Variants in HELLS observed in about 807,000 individuals in gnomAD.
The protein encoded by HELLS is lymphoid-specific helicase.
Under a neutral mutation model 120.0 loss-of-function variants are expected in HELLS, and 32 were observed. That is an observed-to-expected ratio of 0.27 (90% CI 0.20 to 0.36). The LOEUF is 0.36. Ranked by LOEUF, HELLS falls within the 10% of genes least tolerant of loss-of-function variation. The pLI is 1.00. For synonymous variants in HELLS, 341 were observed against 323.4 expected, an observed-to-expected ratio of 1.05 and a Z score of -0.58; for missense variants, 650 against 993.4, an observed-to-expected ratio of 0.65 and a Z score of 4.65.
Position 94,581,595 on chromosome 10 carries a change from T to C in HELLS, c.1229+73T>C, listed in dbSNP as rs1844871962. The C allele has an allele frequency of 2.7e-6, 3 of 1,101,894 alleles. No individual in the cohort carries two copies. In the East Asian group the frequency reaches 7.5e-5, roughly 27 times the overall value. 68.3% of individuals were successfully genotyped at this position (1,101,894 alleles called of 1,614,324 possible). A position where few individuals can be genotyped will look rare whatever the true frequency, so the allele number is the denominator to read the frequency against. ...TTAGTTAAAATTACTTTCTTTTCAG[T>C]GACTGAATTAAAATGCCAAATATTT... On this transcript the variant is annotated intron_variant, in intron 11 of 21. Transcript: ENST00000348459.
intron 3 of HELLS, among the ~76,000 whole-genome samples, chr10:94,554,818 C>A (rs1378928114): frequency 6.6e-6 from 1 of 151,868 alleles, no homozygotes; most frequent in East Asian, 1.9e-4. Flanking sequence ...CCAGTGGTCA[C>A]GATTGAATCA....
At chr10:94,579,205 T>C (rs1486690887) in intron 10 of HELLS, among the ~76,000 whole-genome samples, 2 of 106,382 alleles carry the variant, frequency 1.9e-5, no homozygotes, top group African/African-American at 2.9e-5. Context: ...TTTTTTCTTT[T>C]TTTTTTTTTT....
chr10:94,552,808 C>CA (rs35245286), intron 2 of HELLS, among the ~76,000 whole-genome samples: 3,576 of 144,486 alleles, frequency 0.025, 43 homozygotes, highest in Middle Eastern at 0.066. Context: ...CCTGTCTTTA[C>CA]AAAAAAAAAA....
chr10:94,569,471 C>A (rs1363385478), intron 6 of HELLS: 6 of 152,270 alleles, frequency 3.9e-5, no homozygotes, highest in Non-Finnish European at 8.8e-5. Context: ...CTTGAGCCAC[C>A]ATGCCCGGCC....
At chr10:94,557,002 C>T (rs563789241) in intron 3 of HELLS, among the ~76,000 whole-genome samples, 1 of 152,362 alleles carries the variant, frequency 6.6e-6, no homozygotes, top group African/African-American at 2.4e-5. Flanking sequence ...TAAATAACTG[C>T]ATGGCTTAAC....
intron 2 of HELLS, among the ~76,000 whole-genome samples, chr10:94,550,608 G>A (rs1302379755): frequency 6.6e-6 from 1 of 151,962 alleles, no homozygotes; most frequent in African/African-American, 2.4e-5. Flanking sequence ...AATATGTGCT[G>A]GCCAGGCGCG....
intron 1 of HELLS, 70 bp from the exon 2 acceptor site, chr10:94,546,307 G>A (rs1027018739): frequency 6.3e-7 from 1 of 1,597,310 alleles, no homozygotes; most frequent in Non-Finnish European, 8.6e-7. Flanking sequence ...GAGAAAGGCT[G>A]TTTCTTGTTG....
In HELLS at chr10:94,601,734, A is replaced by G. The variant is rs113365793; in HGVS notation, c.*112A>G. 3.8e-4 allele frequency: 224 copies of G among 591,814 alleles called. 1 individual carries two copies. The highest frequency in any genetic ancestry group is 3.8e-3 in the African/African-American group (202 of 53,454). 36.7% of individuals were successfully genotyped at this position (591,814 alleles called of 1,614,324 possible). A position where few individuals can be genotyped will look rare whatever the true frequency, so the allele number is the denominator to read the frequency against. On this transcript the variant is annotated 3_prime_UTR_variant, in exon 22 of 22. Coordinates refer to ENST00000348459, the MANE Select transcript of HELLS (RefSeq NM_018063.5). ...CACCTTTTTTATTATATCAGTTGACATGTAACTAGTACCATGCGTACTTAA... is the reference window on the plus strand; with the variant it reads ...CACCTTTTTTATTATATCAGTTGACGTGTAACTAGTACCATGCGTACTTAA...
chr10:94,555,670 C>T (rs1156840835), intron 3 of HELLS, among the ~76,000 whole-genome samples: 1 of 152,088 alleles, frequency 6.6e-6, no homozygotes, highest in African/African-American at 2.4e-5. Flanking sequence ...TACTCTGTTG[C>T]CCAGGCTGGT....
chr10:94,580,140 TATATATATATATATATATATATACACAC>T lies in HELLS; in HGVS notation c.1033-1184_1033-1157del, dbSNP rs1193745020. On this transcript the variant is annotated intron_variant, in intron 10 of 21. Transcript: ENST00000348459. ...AAGTATATATATATATATATATATA[TATATATATATATATATATATATACACAC>T]ACACACACACACACACATTTTTTTT... is the stretch of plus-strand genomic sequence containing the variant. Among the ~76,000 whole-genome samples the T allele has an allele frequency of 3.3e-3, 240 of 72,082 alleles. 2 individuals carry two copies. The highest frequency in any genetic ancestry group is 5.7e-3 in the South Asian group (12 of 2,120). The allele number at this position is 72,082 out of a possible 152,430, so 47.3% of individuals were successfully genotyped here. A position where few individuals can be genotyped will look rare whatever the true frequency, so the allele number is the denominator to read the frequency against.
intron 19 of HELLS, among the ~76,000 whole-genome samples, chr10:94,595,565 G>A (rs1845699661): frequency 6.6e-6 from 1 of 152,018 alleles, no homozygotes; most frequent in Non-Finnish European, 1.5e-5. Flanking sequence ...TATAGTTTTG[G>A]ACACTTTTTT....
intron 9 of HELLS, among the ~76,000 whole-genome samples, chr10:94,609,614 G>A (rs986504056): frequency 1.3e-5 from 2 of 152,154 alleles, no homozygotes; most frequent in Non-Finnish European, 2.9e-5. Flanking sequence ...CTGTACTTGA[G>A]TTAGGATTTG....
rs562169929 is a variant in HELLS at position 94,592,631 on chromosome 10, C to A, written c.1971+117C>A. On this transcript the variant is annotated intron_variant, in intron 17 of 21. Coordinates refer to ENST00000348459, the MANE Select transcript of HELLS (RefSeq NM_018063.5). ...ATAAAAAGATAGAAATGACCAGAAACCCTGTGGTTTTATCAAAAACAAACA... is the reference window on the plus strand; with the variant it reads ...ATAAAAAGATAGAAATGACCAGAAAACCTGTGGTTTTATCAAAAACAAACA... 22 of 681,256 alleles carry A rather than the reference C, an allele frequency of 3.2e-5. No homozygotes were observed. In the African/African-American group the frequency reaches 3.7e-4, roughly 11 times the overall value. 42.2% of individuals were successfully genotyped at this position (681,256 alleles called of 1,614,324 possible). A position where few individuals can be genotyped will look rare whatever the true frequency, so the allele number is the denominator to read the frequency against.
chr10:94,553,272 G>A (rs189773814), intron 2 of HELLS, among the ~76,000 whole-genome samples: 194 of 149,934 alleles, frequency 1.3e-3, no homozygotes, highest in African/African-American at 4.4e-3. Context: ...TTTTCCGGAC[G>A]GAGTCTCACT....
At position 94,592,936 on chromosome 10, in the gene HELLS, T is replaced by G. The variant is rs115256640; in HGVS notation, c.1971+422T>G. ...ACATTTCCTGTAATAGCAGCCTTGCTGTATCCATTCAGCATTTAATCCTGG... is the reference window on the plus strand; with the variant it reads ...ACATTTCCTGTAATAGCAGCCTTGCGGTATCCATTCAGCATTTAATCCTGG... On this transcript the variant is annotated intron_variant, in intron 17 of 21. Transcript: ENST00000348459. Among the ~76,000 whole-genome samples the G allele has an allele frequency of 2.3e-3, 353 of 152,346 alleles. 1 individual carries two copies. The highest frequency in any genetic ancestry group is 8.2e-3 in the African/African-American group (339 of 41,588).
At chr10:94,593,341 C>T (rs1845583971) in intron 17 of HELLS, among the ~76,000 whole-genome samples, 158 bp from the exon 18 acceptor site, 1 of 152,136 alleles carries the variant, frequency 6.6e-6, no homozygotes, top group African/African-American at 2.4e-5. Context: ...AAGCTAACAG[C>T]ACAGGTTTTG....
chr10:94,560,596 T>C (rs183167330), intron 4 of HELLS, among the ~76,000 whole-genome samples: 44 of 152,060 alleles, frequency 2.9e-4, no homozygotes, highest in African/African-American at 1.0e-3. Flanking sequence ...CTTGGGAGGT[T>C]GAGGCACGAG....
At chr10:94,571,929 C>T (rs1334813119) in intron 7 of HELLS, among the ~76,000 whole-genome samples, 1 of 151,988 alleles carries the variant, frequency 6.6e-6, no homozygotes, top group East Asian at 1.9e-4. Flanking sequence ...ACAAGGTTGC[C>T]TAGGGAAGCA....
At chr10:94,567,739 C>G (rs10882479) in intron 6 of HELLS, among the ~76,000 whole-genome samples, 24,660 of 151,896 alleles carry the variant, frequency 0.16, 2,153 homozygotes, top group Middle Eastern at 0.24. Context: ...AATCCTGTCT[C>G]TACAAAAAGA....
Sources: gnomAD v4.1 joint callset for allele counts (sites outside exome capture counted in the v4.1 genomes callset) on GRCh38, gnomAD v4.1.1 for gene constraint, MANE v1.5 for transcripts, NCBI Gene and HGNC (gene_info 2026-07-23, HGNC 2026-07-21) for gene names.